HOATZ: variants seen among roughly 807,000 people sequenced by gnomAD.
HOATZ encodes HOATZ cilia and flagella associated protein, also known as cilia- and flagella-associated protein HOATZ.
HOATZ carries 26 observed loss-of-function variants against 24.9 expected under a neutral mutation model. The observed-to-expected ratio is 1.04, with a 90% CI of 0.76 to 1.45. HOATZ has a LOEUF of 1.45. Among genes scored for constraint, HOATZ ranks in the 40% most tolerant of loss-of-function variants. The pLI is 0.00. For missense variants in HOATZ, 226 were observed against 201.5 expected (o/e 1.12, Z -0.74); for synonymous variants, 83 against 76.6 (o/e 1.08, Z -0.43).
intron 3 of HOATZ, chr11:111,526,659 G>A (rs923574822): frequency 6.6e-6 from 1 of 152,172 alleles, no homozygotes; most frequent in Non-Finnish European, 1.5e-5. Context: ...TACCTAGTTT[G>A]AGATGCTTTT....
intron 3 of HOATZ, among the ~76,000 whole-genome samples, chr11:111,520,331 A>G (rs1178880751): frequency 6.6e-6 from 1 of 152,214 alleles, no homozygotes; most frequent in African/African-American, 2.4e-5. Context: ...TCAGAGCAGT[A>G]TTTGAAGGCA....
In HOATZ at chr11:111,536,892, G is replaced by T; in HGVS notation, c.*65G>T. On this transcript the variant is annotated 3_prime_UTR_variant, in exon 6 of 6. Coordinates refer to ENST00000375618, the MANE Select transcript of HOATZ (RefSeq NM_001100388.2). ...TCACTTTGGAAACAACCTTCTCTTA[G>T]ATCAGGATCATTGAGATCACTGGCA... The T allele has an allele frequency of 7.9e-7, 1 of 1,262,994 alleles. No homozygotes were observed. Among genetic ancestry groups the T allele is most frequent in the Admixed American group, 1.7e-5 (1 of 59,378 alleles). 78.2% of individuals were successfully genotyped at this position (1,262,994 alleles called of 1,614,324 possible).
At chr11:111,525,384 C>T (rs1224287468) in intron 3 of HOATZ, among the ~76,000 whole-genome samples, 1 of 152,162 alleles carries the variant, frequency 6.6e-6, no homozygotes, top group East Asian at 1.9e-4. Flanking sequence ...TCTGGAGTTT[C>T]TGGTCATAAA....
chr11:111,521,119 T>G lies in HOATZ; in HGVS notation c.339+5009T>G, dbSNP rs181445262. Among the ~76,000 whole-genome samples, 13 of 152,278 alleles carry G rather than the reference T, an allele frequency of 8.5e-5. No homozygotes were observed. In the East Asian group the frequency reaches 2.5e-3, roughly 29 times the overall value. ...TTGTGGTTCCAAGAACCCAACAAGG[T>G]GTTTCATTTTTCTGTGACATTGAAC... is the stretch of plus-strand genomic sequence containing the variant. On this transcript the variant is annotated intron_variant, in intron 3 of 5. Transcript: ENST00000375618.
chr11:111,515,688 A>T, intron 2 of HOATZ, 136 bp downstream of exon 2: 1 of 728,220 alleles, frequency 1.4e-6, no homozygotes, highest in Non-Finnish European at 2.4e-6. Flanking sequence ...CTCAGGGACC[A>T]CCCTGTTTAT....
chr11:111,528,074 TC>T (rs2135780037), intron 3 of HOATZ, among the ~76,000 whole-genome samples: 1 of 151,722 alleles, frequency 6.6e-6, no homozygotes, highest in South Asian at 2.1e-4. Context: ...TCCCAGCACT[TC>T]AGGAGGCTGA....
At chr11:111,524,101 C>G (rs73013173) in intron 3 of HOATZ, among the ~76,000 whole-genome samples, 1 of 152,178 alleles carries the variant, frequency 6.6e-6, no homozygotes, top group South Asian at 2.1e-4. Flanking sequence ...TCTAACTTGT[C>G]TGGACCAAAT....
intron 3 of HOATZ, among the ~76,000 whole-genome samples, chr11:111,517,792 T>G (rs943859091): frequency 3.0e-4 from 46 of 152,356 alleles, no homozygotes; most frequent in African/African-American, 1.1e-3. Context: ...GATTTATAGT[T>G]TGTTAGACAA....
At chr11:111,520,941 A>C (rs778600732) in intron 3 of HOATZ, among the ~76,000 whole-genome samples, 1 of 152,252 alleles carries the variant, frequency 6.6e-6, no homozygotes, top group Non-Finnish European at 1.5e-5. Flanking sequence ...TTTACAAATT[A>C]AACTTTATCA....
chr11:111,530,005 G>C (rs950639380), intron 3 of HOATZ, among the ~76,000 whole-genome samples: 2 of 152,052 alleles, frequency 1.3e-5, no homozygotes, highest in African/African-American at 4.8e-5. Flanking sequence ...TAGACAAAAA[G>C]CAGACAATCT....
intron 1 of HOATZ, 151 bp downstream of exon 1, chr11:111,515,161 C>G: frequency 3.2e-6 from 2 of 625,626 alleles, no homozygotes; most frequent in Non-Finnish European, 5.6e-6. Context: ...CTGAACCCTT[C>G]CAGCAACCCT....
rs1043765701 is a variant in HOATZ at position 111,529,584 on chromosome 11, G to A, written c.340-4162G>A. Among the ~76,000 whole-genome samples the A allele has an allele frequency of 1.9e-4, 29 of 152,014 alleles. No individual in the cohort carries two copies. In the South Asian group the frequency reaches 2.7e-3, roughly 14 times the overall value. On this transcript the variant is annotated intron_variant, in intron 3 of 5. Transcript: ENST00000375618. ...TCACCATATTGGCCAGGATGGTCTC[G>A]AACTCCTGACCTCATGATCCTCTTG... is the stretch of plus-strand genomic sequence containing the variant.
At position 111,536,895 on chromosome 11, in the gene HOATZ, C is replaced by A; in HGVS notation, c.*68C>A. ...CTTTGGAAACAACCTTCTCTTAGATCAGGATCATTGAGATCACTGGCAACA... is the reference window on the plus strand; with the variant it reads ...CTTTGGAAACAACCTTCTCTTAGATAAGGATCATTGAGATCACTGGCAACA... On this transcript the variant is annotated 3_prime_UTR_variant, in exon 6 of 6. Transcript: ENST00000375618. The A allele has an allele frequency of 3.2e-6, 4 of 1,242,886 alleles. No individual in the cohort carries two copies. Among genetic ancestry groups the A allele is most frequent in the East Asian group, 2.3e-5 (1 of 43,092 alleles). The allele number at this position is 1,242,886 out of a possible 1,614,324, so 77.0% of individuals were successfully genotyped here.
intron 5 of HOATZ, chr11:111,534,885 T>C (rs1273800327): frequency 6.0e-6 from 1 of 167,186 alleles, no homozygotes; most frequent in Non-Finnish European, 1.3e-5. Flanking sequence ...TAAGTTCATG[T>C]AGCAAACTCT....
At chr11:111,516,137 T>G (rs1867195963) in intron 3 of HOATZ, 27 bp downstream of exon 3, 1 of 1,345,014 alleles carries the variant, frequency 7.4e-7, no homozygotes, top group South Asian at 1.3e-5. Context: ...GAAGGTCATC[T>G]GATCATCATT....
chr11:111,521,144 C>A (rs1867264635), intron 3 of HOATZ, among the ~76,000 whole-genome samples: 1 of 152,112 alleles, frequency 6.6e-6, no homozygotes, highest in Non-Finnish European at 1.5e-5. Flanking sequence ...TGACATTGAA[C>A]CTACAGTTTC....
chr11:111,533,812 C>A lies in HOATZ; in HGVS notation c.399+7C>A, dbSNP rs112867149. 1.3e-6 allele frequency: 2 copies of A among 1,553,136 alleles called. No individual in the cohort carries two copies. The highest frequency in any genetic ancestry group is 1.4e-5 in the African/African-American group (1 of 70,958). Reference sequence around the variant, plus strand: ...AAGAGAAGAAAGGATCTCGGTGAGACCAATAGTGAGGCATTTGGATAATCT... The same window carrying A: ...AAGAGAAGAAAGGATCTCGGTGAGAACAATAGTGAGGCATTTGGATAATCT... On this transcript the variant is annotated splice_region_variant and intron_variant, in intron 4 of 5. Coordinates refer to ENST00000375618, the MANE Select transcript of HOATZ (RefSeq NM_001100388.2).
chr11:111,516,058 C>T lies in HOATZ; in HGVS notation c.287C>T (p.Ala96Val), dbSNP rs1326564661. The T allele has an allele frequency of 1.3e-6, 2 of 1,592,884 alleles. No individual in the cohort carries two copies. Among genetic ancestry groups the T allele is most frequent in the Admixed American group, 1.7e-5 (1 of 58,140 alleles). ...LASNKNRDIF[A>V]EALKIQESEE... ...CCTCTAGAAAATAGAGACATCTTTG[C>T]CGAAGCCCTAAAGATACAGGAATCT... The change falls in exon 3 of 6, where the codon GCC becomes GTC. Residue 96 changes from alanine to valine, a missense_variant. By Grantham distance (64) the Ala-to-Val change is moderately conservative. Coordinates refer to ENST00000375618, the MANE Select transcript of HOATZ (RefSeq NM_001100388.2).
intron 5 of HOATZ, chr11:111,536,414 T>C (rs967862871): frequency 5.3e-6 from 1 of 188,106 alleles, no homozygotes; most frequent in Non-Finnish European, 1.1e-5. Flanking sequence ...AAGGTTTTAG[T>C]AGCAATATAT....
Sources: allele counts gnomAD v4.1 joint callset (sites outside exome capture counted in the v4.1 genomes callset), GRCh38; gene constraint gnomAD v4.1.1; transcripts MANE v1.5; gene names NCBI Gene and HGNC (gene_info 2026-07-23, HGNC 2026-07-21).